Variants in PPFIA2 observed in about 807,000 individuals in gnomAD.
PPFIA2 encodes the protein PPFI scaffold protein A2, also known as liprin-alpha-2.
Under a neutral mutation model 175.5 loss-of-function variants are expected in PPFIA2, and 46 were observed. The ratio of observed to expected loss-of-function variants is 0.26; its 90% CI spans 0.21 to 0.34. The LOEUF is 0.34. Ranked by LOEUF, PPFIA2 falls within the 10% of genes least tolerant of loss-of-function variation. PPFIA2 has a pLI of 1.00. For missense variants in PPFIA2, 1,179 were observed against 1,506.1 expected, an observed-to-expected ratio of 0.78 and a Z score of 3.60; for synonymous variants, 568 against 511.4, an observed-to-expected ratio of 1.11 and a Z score of -1.49.
chr12:81,450,909 T>A (rs534154176), intron 5 of PPFIA2, among the ~76,000 whole-genome samples: 2 of 152,322 alleles, frequency 1.3e-5, no homozygotes, highest in South Asian at 2.1e-4. Context: ...CATTGCTAAG[T>A]AGGAATTCTA....
intron 14 of PPFIA2, among the ~76,000 whole-genome samples, chr12:81,365,172 T>A (rs2032745783): frequency 6.6e-6 from 1 of 151,736 alleles, no homozygotes; most frequent in Non-Finnish European, 1.5e-5. Flanking sequence ...CCTAGAAACT[T>A]CAAATTGTAG....
At chr12:81,609,831 G>C (rs957264805) in intron 4 of PPFIA2, among the ~76,000 whole-genome samples, 1 of 152,066 alleles carries the variant, frequency 6.6e-6, no homozygotes, top group African/African-American at 2.4e-5. Context: ...CTAGCTGGTT[G>C]CTATGTAGAT....
At chr12:81,389,082 T>A (rs760071528) in intron 8 of PPFIA2, among the ~76,000 whole-genome samples, 82 of 150,942 alleles carry the variant, frequency 5.4e-4, no homozygotes, top group Non-Finnish European at 7.1e-4. Context: ...TCGTGACTAG[T>A]TTTATGCACT....
At chr12:81,459,350 C>T (rs887108592) in intron 4 of PPFIA2, among the ~76,000 whole-genome samples, 1 of 151,926 alleles carries the variant, frequency 6.6e-6, no homozygotes, top group Admixed American at 6.6e-5. Flanking sequence ...AGAAGTGATA[C>T]CTAAAGATTC....
chr12:81,530,293 T>C (rs1567205079), intron 4 of PPFIA2, among the ~76,000 whole-genome samples: 2 of 151,930 alleles, frequency 1.3e-5, no homozygotes, highest in African/African-American at 4.8e-5. Flanking sequence ...TTGACAGATA[T>C]TCAGAATACA....
rs571899864 is a variant in PPFIA2, at chr12:81,646,160, G to A, written c.303+30631C>T. On this transcript the variant is annotated intron_variant, in intron 4 of 32. Coordinates refer to ENST00000549396, the MANE Select transcript of PPFIA2 (RefSeq NM_003625.5). ...CAACCAGCCCTTTACAGTAGGAAAA[G>A]CCATCTGCTACTGAGGGAGGAGTAA... 2.0e-5 allele frequency among the ~76,000 whole-genome samples: 3 copies of A among 152,282 alleles called. No individual in the cohort carries two copies. The East Asian group carries it at 5.8e-4, about 29-fold the overall frequency.
Position 81,268,106 on chromosome 12 carries a change from C to G in PPFIA2, c.3311-19G>C. ...AACACGTCTAGGAAAAGAGATGCAT[C>G]ATTTTAGGATGCATTATTTTTCTTT... is the stretch of plus-strand genomic sequence containing the variant. On this transcript the variant is annotated intron_variant, in intron 28 of 32. Coordinates refer to ENST00000549396, the MANE Select transcript of PPFIA2 (RefSeq NM_003625.5). 1 of 1,121,566 alleles carries G rather than the reference C, an allele frequency of 8.9e-7. No homozygotes were observed. The highest frequency in any genetic ancestry group is 1.3e-6 in the Non-Finnish European group (1 of 776,462). 69.5% of individuals were successfully genotyped at this position (1,121,566 alleles called of 1,614,324 possible).
At chr12:81,576,661 T>C (rs915912858) in intron 4 of PPFIA2, among the ~76,000 whole-genome samples, 1 of 151,878 alleles carries the variant, frequency 6.6e-6, no homozygotes, top group South Asian at 2.1e-4. Context: ...ATCAAGGCTA[T>C]ATAAATGTCT....
intron 4 of PPFIA2, among the ~76,000 whole-genome samples, chr12:81,590,095 A>G (rs1337331141): frequency 3.3e-5 from 5 of 152,254 alleles, no homozygotes; most frequent in African/African-American, 1.2e-4. Flanking sequence ...TAATTGGGTG[A>G]CAGAGCAAAA....
chr12:81,556,141 T>G, intron 4 of PPFIA2, among the ~76,000 whole-genome samples: 1 of 152,012 alleles, frequency 6.6e-6, no homozygotes, highest in South Asian at 2.1e-4. Flanking sequence ...AAATACTGTG[T>G]GTTATATTAT....
intron 4 of PPFIA2, among the ~76,000 whole-genome samples, chr12:81,496,752 A>T (rs2147250564): frequency 6.6e-6 from 1 of 152,332 alleles, no homozygotes; most frequent in African/African-American, 2.4e-5. Context: ...CTGAAGGAAT[A>T]TGCTGAGTAA....
intron 21 of PPFIA2, among the ~76,000 whole-genome samples, chr12:81,336,909 C>T (rs2057221890): frequency 6.6e-6 from 1 of 152,044 alleles, no homozygotes; most frequent in Non-Finnish European, 1.5e-5. Flanking sequence ...CGAGATTTTT[C>T]CCTAGGTTCC....
chr12:81,410,720 T>C (rs2043784285), intron 7 of PPFIA2, among the ~76,000 whole-genome samples: 1 of 152,000 alleles, frequency 6.6e-6, no homozygotes, highest in Non-Finnish European at 1.5e-5. Flanking sequence ...CAAGAGCCCA[T>C]GGCAAATGGG....
At chr12:81,734,096 C>G (rs1294592553) in intron 3 of PPFIA2, among the ~76,000 whole-genome samples, 2 of 151,760 alleles carry the variant, frequency 1.3e-5, no homozygotes, top group Admixed American at 1.3e-4. Context: ...TCTCATATTA[C>G]CACTGTTTCC....
chr12:81,599,299 A>G (rs1434976857), intron 4 of PPFIA2, among the ~76,000 whole-genome samples: 1 of 151,998 alleles, frequency 6.6e-6, no homozygotes, highest in East Asian at 1.9e-4. Flanking sequence ...ATGATGATTT[A>G]CACATACAAC....
chr12:81,353,945 T>C (rs961291307), intron 16 of PPFIA2, among the ~76,000 whole-genome samples: 5 of 152,196 alleles, frequency 3.3e-5, no homozygotes, highest in South Asian at 2.1e-4. Flanking sequence ...CCAATGAATA[T>C]GAAAGTTATG....
At chr12:81,276,496 C>G (rs1001190255) in intron 28 of PPFIA2, among the ~76,000 whole-genome samples, 3 of 151,962 alleles carry the variant, frequency 2.0e-5, no homozygotes, top group African/African-American at 7.3e-5. Context: ...AAAAATAGAA[C>G]GGTCTCTAAG....
intron 8 of PPFIA2, among the ~76,000 whole-genome samples, chr12:81,404,797 A>T (rs1428525010): frequency 6.6e-6 from 1 of 152,152 alleles, no homozygotes; most frequent in Non-Finnish European, 1.5e-5. Context: ...CTAACCACAT[A>T]AGTGAGGAAA....
chr12:81,408,509 A>C (rs2043322551), intron 7 of PPFIA2, among the ~76,000 whole-genome samples: 1 of 152,208 alleles, frequency 6.6e-6, no homozygotes, highest in Non-Finnish European at 1.5e-5. Context: ...TTTAATAAAC[A>C]GATGACTTTC....
Sources: allele counts gnomAD v4.1 joint callset (sites outside exome capture counted in the v4.1 genomes callset), GRCh38; gene constraint gnomAD v4.1.1; transcripts MANE v1.5; gene names NCBI Gene and HGNC (gene_info 2026-07-23, HGNC 2026-07-21).